The following ARHGEF4 variants were observed in gnomAD, a reference collection of about 807,000 sequenced individuals.
ARHGEF4 encodes the protein Rho guanine nucleotide exchange factor 4, also known as APC-stimulated guanine nucleotide exchange factor 1.
Under a neutral mutation model 162.0 loss-of-function variants are expected in ARHGEF4, and 119 were observed. The ratio of observed to expected loss-of-function variants is 0.73; its 90% CI spans 0.63 to 0.86. The LOEUF is 0.86. ARHGEF4 is among the 40% of genes least tolerant of loss of function. The pLI, the probability that ARHGEF4 is intolerant of heterozygous loss-of-function variation, is 0.00. For synonymous variants in ARHGEF4, 1,014 were observed against 979.9 expected (o/e 1.03, Z -0.65); for missense variants, 2,488 against 2,456.0 (o/e 1.01, Z -0.28).
chr2:131,001,850 T>C (rs536388304), intron 4 of ARHGEF4, among the ~76,000 whole-genome samples: 1 of 152,190 alleles, frequency 6.6e-6, no homozygotes, highest in Admixed American at 6.5e-5. Context: ...TTATAGAAAA[T>C]GCATGAGAAT....
intron 4 of ARHGEF4, among the ~76,000 whole-genome samples, chr2:130,965,451 G>T (rs371037093): frequency 3.3e-5 from 5 of 152,208 alleles, no homozygotes; most frequent in Non-Finnish European, 7.3e-5. Context: ...TTCCTTCAAC[G>T]GAGAGTTTTC....
chr2:131,033,473 C>A (rs1690009557), intron 5 of ARHGEF4, among the ~76,000 whole-genome samples: 1 of 152,190 alleles, frequency 6.6e-6, no homozygotes, highest in Non-Finnish European at 1.5e-5. Flanking sequence ...CCTTTGCCGG[C>A]CATCCAGCTC....
chr2:130,960,156 TA>T (rs199744101), intron 4 of ARHGEF4, among the ~76,000 whole-genome samples: 3,051 of 151,308 alleles, frequency 0.02, 43 homozygotes, highest in African/African-American at 0.027. Flanking sequence ...ATAATGGAGC[TA>T]AAAAAAAATC....
chr2:130,850,353 T>A (rs1681317755), intron 1 of ARHGEF4, among the ~76,000 whole-genome samples: 1 of 152,188 alleles, frequency 6.6e-6, no homozygotes, highest in Non-Finnish European at 1.5e-5. Context: ...AGCTGTTGTT[T>A]CTGATGATAC....
chr2:130,864,823 A>G (rs1682153910), intron 1 of ARHGEF4, among the ~76,000 whole-genome samples: 1 of 152,234 alleles, frequency 6.6e-6, no homozygotes, highest in Non-Finnish European at 1.5e-5. Context: ...TTATTTAAAA[A>G]CATTCAATTG....
Position 130,919,841 on chromosome 2 carries a change from A to G in ARHGEF4, c.3552+2343A>G, listed in dbSNP as rs146671062. ...CAGTGAGCCAAGATCACACCACTGCACTCCAACCTGGGCGACAGAGTGAGA... is the reference window on the plus strand; with the variant it reads ...CAGTGAGCCAAGATCACACCACTGCGCTCCAACCTGGGCGACAGAGTGAGA... On this transcript the variant is annotated intron_variant, in intron 2 of 13. Transcript: ENST00000409359. Among the ~76,000 whole-genome samples, 1,089 of 151,628 alleles carry G rather than the reference A, an allele frequency of 7.2e-3. 16 individuals are homozygous for G. Among genetic ancestry groups the G allele is most frequent in the African/African-American group, 0.026 (1,055 of 41,308 alleles).
At chr2:130,948,807 G>C (rs550413071) in intron 4 of ARHGEF4, among the ~76,000 whole-genome samples, 1 of 152,172 alleles carries the variant, frequency 6.6e-6, no homozygotes, top group Non-Finnish European at 1.5e-5. Context: ...AAAGTAATCA[G>C]ATTCCTTTTT....
chr2:130,916,610 T>A lies in ARHGEF4; in HGVS notation c.2664T>A (p.Pro888=). ...GTSGDLGSRG[P]SSESCNAKRL... Reference sequence around the variant, plus strand: ...CAGGGGATCTTGGTAGCCGAGGGCCTTCCTCTGAGAGCTGCAACGCAAAGA... The same window carrying A: ...CAGGGGATCTTGGTAGCCGAGGGCCATCCTCTGAGAGCTGCAACGCAAAGA... The change falls in exon 2 of 14, where the codon CCT becomes CCA. Residue 888 remains proline (P), a synonymous_variant. Transcript: ENST00000409359. 1 of 1,550,540 alleles carries A rather than the reference T, an allele frequency of 6.4e-7. No homozygotes were observed.
chr2:130,931,485 C>T (rs1682630557), intron 3 of ARHGEF4, among the ~76,000 whole-genome samples: 1 of 152,184 alleles, frequency 6.6e-6, no homozygotes, highest in South Asian at 2.1e-4. Context: ...GAAGCCAGGG[C>T]CCCCTCTTCC....
chr2:130,892,900 T>C (rs1251893436), intron 1 of ARHGEF4, among the ~76,000 whole-genome samples: 1 of 152,152 alleles, frequency 6.6e-6, no homozygotes, highest in Non-Finnish European at 1.5e-5. Flanking sequence ...GGCTTCCCTG[T>C]CCCCACCTTC....
At chr2:130,959,866 G>A (rs1481570856) in intron 4 of ARHGEF4, among the ~76,000 whole-genome samples, 1 of 152,188 alleles carries the variant, frequency 6.6e-6, no homozygotes. Context: ...GAGAGACAGA[G>A]CAGAAGCCTG....
At chr2:130,868,146 C>T (rs147635525) in intron 1 of ARHGEF4, among the ~76,000 whole-genome samples, 2,149 of 151,940 alleles carry the variant, frequency 0.014, 54 homozygotes, top group African/African-American at 0.049. Flanking sequence ...AGGATCGTCT[C>T]GATCTCCCGA....
At chr2:130,853,881 T>A (rs1681583531) in intron 1 of ARHGEF4, among the ~76,000 whole-genome samples, 1 of 152,178 alleles carries the variant, frequency 6.6e-6, no homozygotes, top group African/African-American at 2.4e-5. Context: ...GTGAGCTTAG[T>A]TAGCCTTGAA....
intron 3 of ARHGEF4, among the ~76,000 whole-genome samples, chr2:130,933,647 T>G (rs1682772950): frequency 6.6e-6 from 1 of 152,190 alleles, no homozygotes; most frequent in African/African-American, 2.4e-5. Flanking sequence ...TGCACATCCT[T>G]GGTTAAAATG....
At chr2:130,926,016 C>T (rs1053758713) in intron 2 of ARHGEF4, among the ~76,000 whole-genome samples, 8 of 92,046 alleles carry the variant, frequency 8.7e-5, no homozygotes, top group Non-Finnish European at 1.6e-4. Context: ...GGTTTTCTCT[C>T]TTTCTTTCTT....
At chr2:130,864,663 G>T (rs1682140100) in intron 1 of ARHGEF4, among the ~76,000 whole-genome samples, 1 of 152,178 alleles carries the variant, frequency 6.6e-6, no homozygotes, top group South Asian at 2.1e-4. Context: ...GGCGGAAGTT[G>T]TAGTGAGCCG....
rs780583723 is a variant in ARHGEF4, at chr2:131,044,457, G to C, written c.5316G>C (p.Leu1772=). The change falls in exon 12 of 14, where the codon CTG becomes CTC. Residue 1772 remains leucine (L), a synonymous_variant. Coordinates refer to ENST00000409359, the MANE Select transcript of ARHGEF4 (RefSeq NM_001367493.1). Reference sequence around the variant, plus strand: ...GCGCCACAGGGGACAGCCACCTGCTGTGCACCAGGAAGCCCGAGCAGAAGC... The same window carrying C: ...GCGCCACAGGGGACAGCCACCTGCTCTGCACCAGGAAGCCCGAGCAGAAGC... ...HRGATGDSHL[L]CTRKPEQKQR... 3 of 1,556,908 alleles carry C rather than the reference G, an allele frequency of 1.9e-6. No individual in the cohort carries two copies. The highest frequency in any genetic ancestry group is 1.9e-5 in the Admixed American group (1 of 51,852).
chr2:130,953,986 A>C (rs1036871020), intron 4 of ARHGEF4, among the ~76,000 whole-genome samples: 3 of 152,256 alleles, frequency 2.0e-5, no homozygotes, highest in Non-Finnish European at 2.9e-5. Context: ...ATTGTGGAAG[A>C]CAGTGTGACG....
intron 4 of ARHGEF4, among the ~76,000 whole-genome samples, chr2:131,007,430 T>A (rs1688186895): frequency 6.6e-6 from 1 of 152,228 alleles, no homozygotes; most frequent in African/African-American, 2.4e-5. Context: ...TAAGCTCTCC[T>A]TACTTTTTAT....
Sources: gnomAD v4.1 joint callset for allele counts (sites outside exome capture counted in the v4.1 genomes callset) on GRCh38, gnomAD v4.1.1 for gene constraint, MANE v1.5 for transcripts, NCBI Gene and HGNC (gene_info 2026-07-23, HGNC 2026-07-21) for gene names.